GRIP1: variants seen among roughly 807,000 people sequenced by gnomAD.
GRIP1 encodes the protein glutamate receptor interacting protein 1.
GRIP1 carries 45 observed loss-of-function variants against 129.9 expected under a neutral mutation model. That is an observed-to-expected ratio of 0.35 (90% confidence interval 0.27 to 0.44). GRIP1 has a LOEUF of 0.44. Ranked by LOEUF, GRIP1 falls within the 20% of genes least tolerant of loss-of-function variation. GRIP1 has a pLI of 1.00. For synonymous variants in GRIP1, 530 were observed against 520.8 expected (o/e 1.02, Z -0.24); for missense variants, 1,196 against 1,396.8 (o/e 0.86, Z 2.29).
chr12:66,923,900 A>G (rs972842692), intron 1 of GRIP1, among the ~76,000 whole-genome samples: 2 of 151,978 alleles, frequency 1.3e-5, no homozygotes, highest in African/African-American at 4.8e-5. Flanking sequence ...GCTGGAGTGT[A>G]ATGGCGCCAT....
chr12:66,937,575 C>A (rs529026326), intron 1 of GRIP1, among the ~76,000 whole-genome samples: 1 of 151,298 alleles, frequency 6.6e-6, no homozygotes, highest in South Asian at 2.1e-4. Flanking sequence ...CCCCCAAATT[C>A]AAAAAAAATT....
At chr12:66,665,087 C>T (rs184629899) in intron 1 of GRIP1, among the ~76,000 whole-genome samples, 2 of 152,200 alleles carry the variant, frequency 1.3e-5, no homozygotes, top group Non-Finnish European at 2.9e-5. Context: ...GATCACTGCT[C>T]ACCAGTGTAG....
At chr12:66,663,590 T>TGAAG (rs146661036) in intron 1 of GRIP1, among the ~76,000 whole-genome samples, 1,987 of 152,160 alleles carry the variant, frequency 0.013, 53 homozygotes, top group African/African-American at 0.046. Context: ...GTGGGGTGGG[T>TGAAG]GAAGGAGTCC....
chr12:66,825,620 A>C (rs2039396945), intron 1 of GRIP1, among the ~76,000 whole-genome samples: 1 of 152,196 alleles, frequency 6.6e-6, no homozygotes. Flanking sequence ...CTTCATCCCT[A>C]GCTGCTTCCA....
chr12:66,348,925 A>G lies in GRIP1; in HGVS notation c.*94T>C. 2 of 899,730 alleles carry G rather than the reference A, an allele frequency of 2.2e-6. No individual in the cohort carries two copies. Among genetic ancestry groups the G allele is most frequent in the Non-Finnish European group, 1.9e-6 (1 of 528,232 alleles). 55.7% of individuals were successfully genotyped at this position (899,730 alleles called of 1,614,324 possible). A position where few individuals can be genotyped will look rare whatever the true frequency, so the allele number is the denominator to read the frequency against. On this transcript the variant is annotated 3_prime_UTR_variant, in exon 25 of 25. Transcript: ENST00000359742. The stretch of plus-strand genomic sequence containing the variant: ...TGTGCTTGCAGTTAATGCCACGTTG[A>G]TTGATTATCTGTGCTTCAAAGGTCA...
chr12:66,384,836 C>T (rs78225943), intron 19 of GRIP1, among the ~76,000 whole-genome samples: 5,796 of 152,286 alleles, frequency 0.038, 387 homozygotes, highest in African/African-American at 0.13. Context: ...AATGCCATCA[C>T]TTAAATTTTG....
At chr12:66,899,592 T>C (rs890355285) in intron 1 of GRIP1, among the ~76,000 whole-genome samples, 1 of 152,126 alleles carries the variant, frequency 6.6e-6, no homozygotes, top group African/African-American at 2.4e-5. Flanking sequence ...TGAAAACTCC[T>C]GGCCTAATGC....
chr12:66,644,048 G>A (rs540178379), intron 1 of GRIP1, among the ~76,000 whole-genome samples: 3 of 152,182 alleles, frequency 2.0e-5, no homozygotes, highest in South Asian at 2.1e-4. Context: ...CTTCTTACAC[G>A]GCAGCGGCAA....
intron 1 of GRIP1, among the ~76,000 whole-genome samples, chr12:66,647,997 A>C (rs549070612): frequency 6.6e-6 from 1 of 152,288 alleles, no homozygotes; most frequent in Admixed American, 6.5e-5. Context: ...GCTTTGCACT[A>C]GCATAGCCAT....
intron 1 of GRIP1, among the ~76,000 whole-genome samples, chr12:66,973,919 C>CTTT (rs535699240): frequency 0.35 from 42,797 of 120,716 alleles, 7,948 homozygotes; most frequent in Non-Finnish European, 0.45. Flanking sequence ...CTTTTCTTTT[C>CTTT]TTTTTTTTTT....
At chr12:66,641,499 C>G (rs11176357) in intron 1 of GRIP1, among the ~76,000 whole-genome samples, 39,047 of 152,136 alleles carry the variant, frequency 0.26, 5,139 homozygotes, top group South Asian at 0.31. Context: ...GTAAAATACA[C>G]CTGCTTCACA....
chr12:66,379,265 G>T lies in GRIP1; in HGVS notation c.2621+15C>A. Reference sequence around the variant, plus strand: ...CAGTCATCTTGGATGAGGCAGCATTGGTTGAAAACCTTACCCACTGGCTGT... The same window carrying T: ...CAGTCATCTTGGATGAGGCAGCATTTGTTGAAAACCTTACCCACTGGCTGT... On this transcript the variant is annotated intron_variant, in intron 20 of 24. Transcript: ENST00000359742. The T allele has an allele frequency of 6.2e-7, 1 of 1,612,544 alleles. No individual in the cohort carries two copies. Among genetic ancestry groups the T allele is most frequent in the South Asian group, 1.1e-5 (1 of 91,036 alleles).
chr12:66,505,574 T>C (rs1017468698), intron 7 of GRIP1, among the ~76,000 whole-genome samples: 4 of 152,156 alleles, frequency 2.6e-5, no homozygotes, highest in African/African-American at 9.7e-5. Flanking sequence ...TACAATGTAA[T>C]AGAAAAATAA....
At chr12:66,606,040 T>C (rs2064510020) in intron 1 of GRIP1, among the ~76,000 whole-genome samples, 1 of 151,466 alleles carries the variant, frequency 6.6e-6, no homozygotes, top group African/African-American at 2.4e-5. Context: ...CCTAGATGTG[T>C]GAAAATCACT....
chr12:66,605,941 A>G (rs1264723593), intron 1 of GRIP1, among the ~76,000 whole-genome samples: 1 of 152,168 alleles, frequency 6.6e-6, no homozygotes, highest in Non-Finnish European at 1.5e-5. Context: ...ATATATTTAT[A>G]ACCTTGAGTA....
In GRIP1 at chr12:66,927,523, C is replaced by T. The variant is rs559689327; in HGVS notation, c.58+141527G>A. Among the ~76,000 whole-genome samples the T allele has an allele frequency of 1.4e-4, 22 of 152,262 alleles. No homozygotes were observed. The South Asian group carries it at 3.3e-3, about 23-fold the overall frequency. On this transcript the variant is annotated intron_variant, in intron 1 of 1. Coordinates refer to the GRIP1 transcript ENST00000643019. Reference sequence around the variant, plus strand: ...AGTTTTTGAAACACAGTAGGAACACCGTCAATATTTTCTAAGTGAAAAGTT... The same window carrying T: ...AGTTTTTGAAACACAGTAGGAACACTGTCAATATTTTCTAAGTGAAAAGTT...
At chr12:66,787,824 C>G (rs1464462363) in intron 1 of GRIP1, among the ~76,000 whole-genome samples, 1 of 152,084 alleles carries the variant, frequency 6.6e-6, no homozygotes, top group South Asian at 2.1e-4. Context: ...CTAAGATACC[C>G]CCCAAAAGCA....
chr12:67,025,575 G>A (rs2042930977), intron 1 of GRIP1, among the ~76,000 whole-genome samples: 1 of 152,142 alleles, frequency 6.6e-6, no homozygotes, highest in South Asian at 2.1e-4. Context: ...GCATTACAGA[G>A]TCAGTCCTTT....
chr12:66,624,270 C>G (rs1237986538), intron 1 of GRIP1, among the ~76,000 whole-genome samples: 1 of 152,128 alleles, frequency 6.6e-6, no homozygotes, highest in Non-Finnish European at 1.5e-5. Context: ...GCACAGAGAT[C>G]AGCACCATTA....
Sources: gnomAD v4.1 joint callset for allele counts (sites outside exome capture counted in the v4.1 genomes callset) on GRCh38, gnomAD v4.1.1 for gene constraint, MANE v1.5 for transcripts, NCBI Gene and HGNC (gene_info 2026-07-23, HGNC 2026-07-21) for gene names.